Variants in KIF4A observed in about 807,000 individuals in gnomAD.
The protein encoded by KIF4A is kinesin family member 4A.
In KIF4A, 7 loss-of-function variants were observed where a neutral mutation model predicts 105.9. The observed-to-expected ratio is 0.07, with a 90% CI of 0.04 to 0.12. The LOEUF (loss-of-function observed/expected upper bound fraction) is 0.12. Ranked by LOEUF, KIF4A falls within the 10% of genes least tolerant of loss-of-function variation. KIF4A has a pLI of 1.00. For missense variants in KIF4A, 558 were observed against 929.2 expected (o/e 0.60, Z 5.19); for synonymous variants, 281 against 331.3 (o/e 0.85, Z 1.65).
At chrX:70,398,016 T>TTTTG (rs200255055) in intron 22 of KIF4A, among the ~76,000 whole-genome samples, 2 of 111,408 alleles carry the variant, frequency 1.8e-5, no homozygotes, top group Non-Finnish European at 3.8e-5. Flanking sequence ...GGGCTGGGGT[T>TTTTG]TTTGTTTGTT....
At position 70,343,721 on chromosome X, in the gene KIF4A, A is replaced by G. The variant is rs1190718311; in HGVS notation, c.1285A>G (p.Lys429Glu). 1 of 1,211,846 alleles carries G rather than the reference A, an allele frequency of 8.3e-7. No homozygotes were observed. The highest frequency in any genetic ancestry group is 1.1e-6 in the Non-Finnish European group (1 of 895,523). Reference protein sequence around the residue: ...RIILTEQANEKMNAKLEELRQ... With the variant: ...RIILTEQANEEMNAKLEELRQ... Reference sequence around the variant, plus strand: ...GTTGCAGACAGAGCAAGCGAATGAAAAAATGAACGCCAAGCTAGAAGAGCT... The same window carrying G: ...GTTGCAGACAGAGCAAGCGAATGAAGAAATGAACGCCAAGCTAGAAGAGCT... Residue 429 changes from lysine (K) to glutamate (E), a missense_variant, in exon 12 of 31, where the codon AAA (lysine) becomes GAA (glutamate). Physicochemically the swap from Lys to Glu is moderately conservative, Grantham distance 56 (BLOSUM62 1). This residue lies in a region of KIF4A where 469 missense variants were observed against 680.4 expected (regional missense o/e 0.69). Transcript: ENST00000374403.
At chrX:70,410,680 G>A (rs1223185113) in intron 28 of KIF4A, among the ~76,000 whole-genome samples, 2 of 111,813 alleles carry the variant, frequency 1.8e-5, no homozygotes, top group Non-Finnish European at 3.8e-5. Context: ...TGCGCAACAT[G>A]TGCAGTTCAC....
intron 4 of KIF4A, 42 bp from the exon 5 acceptor site, chrX:70,299,071 G>C: frequency 6.4e-6 from 7 of 1,087,438 alleles, no homozygotes; most frequent in Non-Finnish European, 7.6e-6. Context: ...GATTACCACT[G>C]TTAACATCTT....
At chrX:70,419,565 C>A in intron 29 of KIF4A, 96 bp from the exon 30 acceptor site, 1 of 1,043,094 alleles carries the variant, frequency 9.6e-7, no homozygotes, top group Non-Finnish European at 1.3e-6. Flanking sequence ...ACTAATCAGG[C>A]ACTTAGAGCT....
chrX:70,411,901 GA>G (rs1238877610), intron 28 of KIF4A, among the ~76,000 whole-genome samples: 247 of 96,023 alleles, frequency 2.6e-3, no homozygotes, highest in African/African-American at 7.5e-3. Context: ...AAAAGAAAAA[GA>G]AAAAAAAAAA....
At chrX:70,370,316 T>C (rs2086125223) in intron 15 of KIF4A, among the ~76,000 whole-genome samples, 2 of 110,425 alleles carry the variant, frequency 1.8e-5, no homozygotes, top group Non-Finnish European at 3.8e-5. Context: ...AGTGCTTACT[T>C]CTGGAGGGGG....
intron 10 of KIF4A, among the ~76,000 whole-genome samples, chrX:70,335,374 C>T (rs970659252): frequency 9.0e-6 from 1 of 111,505 alleles, no homozygotes; most frequent in Admixed American, 9.5e-5. Flanking sequence ...TGGTGGTTGC[C>T]GGGGACTGGG....
intron 20 of KIF4A, among the ~76,000 whole-genome samples, 192 bp from the exon 21 acceptor site, chrX:70,395,479 G>A (rs191556399): frequency 8.9e-6 from 1 of 111,785 alleles, no homozygotes; most frequent in Non-Finnish European, 1.9e-5. Flanking sequence ...TCTTTCTTGT[G>A]ACCTTTTGGC....
intron 7 of KIF4A, among the ~76,000 whole-genome samples, chrX:70,311,024 A>G (rs1336141166): frequency 9.2e-6 from 1 of 108,178 alleles, no homozygotes; most frequent in Non-Finnish European, 1.9e-5. Context: ...TACTCGGGGG[A>G]CTGAGGTGGA....
chrX:70,403,016 A>G (rs1313005119), intron 23 of KIF4A, among the ~76,000 whole-genome samples: 1 of 112,173 alleles, frequency 8.9e-6, no homozygotes, highest in Non-Finnish European at 1.9e-5. Flanking sequence ...ATACTGTACT[A>G]CTTTTTAAAA....
At chrX:70,317,075 A>G (rs1297245804) in intron 7 of KIF4A, among the ~76,000 whole-genome samples, 1 of 112,093 alleles carries the variant, frequency 8.9e-6, no homozygotes, top group East Asian at 2.8e-4. Context: ...ACAATATAGT[A>G]TTCCACTGAT....
intron 15 of KIF4A, among the ~76,000 whole-genome samples, chrX:70,360,116 T>C (rs2086068791): frequency 8.9e-6 from 1 of 111,888 alleles, no homozygotes; most frequent in Non-Finnish European, 1.9e-5. Flanking sequence ...ACTCCAGGGC[T>C]TCCAATTCAC....
intron 7 of KIF4A, among the ~76,000 whole-genome samples, chrX:70,305,904 A>G (rs6653297): frequency 0.017 from 1,867 of 111,982 alleles, 37 homozygotes; most frequent in African/African-American, 0.057. Flanking sequence ...GCTTGTTATT[A>G]TGCCTTTTTA....
At chrX:70,332,625 G>A (rs750615731) in intron 9 of KIF4A, among the ~76,000 whole-genome samples, 5 of 111,349 alleles carry the variant, frequency 4.5e-5, no homozygotes, top group Non-Finnish European at 7.5e-5. Flanking sequence ...TTTTAAGATG[G>A]GAGAGACTTG....
chrX:70,332,926 C>A (rs1489453043), intron 9 of KIF4A, among the ~76,000 whole-genome samples: 2 of 111,602 alleles, frequency 1.8e-5, no homozygotes, highest in African/African-American at 6.5e-5. Flanking sequence ...TTATTTCCTA[C>A]TATTTTAGAC....
chrX:70,299,113 A>G lies in KIF4A; in HGVS notation c.427A>G (p.Ile143Val). 1 of 1,201,298 alleles carries G rather than the reference A, an allele frequency of 8.3e-7. No individual in the cohort carries two copies. Residue 143 changes from isoleucine to valine, a missense_variant and splice_region_variant, in exon 5 of 31, where the codon ATT becomes GTT. Around this residue, in one of 2 missense-constraint regions of KIF4A, gnomAD observed 89 missense variants for 248.8 expected, o/e 0.36. Transcript: ENST00000374403. ...EFTLKVSYLE[I>V]YNEEILDLLC... ...GCCACTTTATTTTCAACAATATCAG[A>G]TTTACAATGAAGAAATTTTGGATCT...
At chrX:70,417,250 C>G (rs1391944933) in intron 28 of KIF4A, among the ~76,000 whole-genome samples, 1 of 112,593 alleles carries the variant, frequency 8.9e-6, no homozygotes, top group African/African-American at 3.2e-5. Context: ...CGCCTGTAAT[C>G]CCAGCACTTT....
rs2086362514 is a variant in KIF4A at position 70,420,410 on chromosome X, C to T, written c.*145C>T. 1 of 866,482 alleles carries T rather than the reference C, an allele frequency of 1.2e-6. No homozygotes were observed. Among genetic ancestry groups the T allele is most frequent in the Non-Finnish European group, 1.6e-6 (1 of 634,181 alleles). 71.4% of individuals were successfully genotyped at this position (866,482 alleles called of 1,213,427 possible). On this transcript the variant is annotated 3_prime_UTR_variant, in exon 31 of 31. Coordinates refer to ENST00000374403, the MANE Select transcript of KIF4A (RefSeq NM_012310.5). ...CAAAGCGTTACTGAAAAGAAGGTAA[C>T]CTTTGTTGGATGTGGGCCTTAGCCT...
intron 15 of KIF4A, among the ~76,000 whole-genome samples, chrX:70,363,265 G>C (rs1162527623): frequency 3.7e-5 from 4 of 109,225 alleles, no homozygotes; most frequent in Non-Finnish European, 7.6e-5. Flanking sequence ...TAATTATACT[G>C]TAAGTTTTAG....
Sources: allele counts gnomAD v4.1 joint callset (sites outside exome capture counted in the v4.1 genomes callset), GRCh38; gene constraint gnomAD v4.1.1; regional missense constraint gnomAD v4.1.1; transcripts MANE v1.5; gene names NCBI Gene and HGNC (gene_info 2026-07-23, HGNC 2026-07-21).